Variants in NTN1 observed in about 807,000 individuals in gnomAD.
The protein encoded by NTN1 is netrin-1.
NTN1 carries 11 observed loss-of-function variants against 54.2 expected under a neutral mutation model. The observed-to-expected ratio is 0.20, with a 90% CI of 0.13 to 0.34. The LOEUF (loss-of-function observed/expected upper bound fraction) is 0.34. NTN1 is among the 10% of genes least tolerant of loss of function. The pLI is 1.00. For missense variants in NTN1, 740 were observed against 893.1 expected (o/e 0.83, Z 2.18); for synonymous variants, 371 against 382.0 (o/e 0.97, Z 0.33).
chr17:9,238,888 C>A (rs1252045180), intron 6 of NTN1, among the ~76,000 whole-genome samples: 1 of 152,220 alleles, frequency 6.6e-6, no homozygotes, highest in African/African-American at 2.4e-5. Context: ...AGCTCTGGGG[C>A]GGGGCCCAGC....
At chr17:9,028,251 A>T (rs992468470) in intron 2 of NTN1, among the ~76,000 whole-genome samples, 1 of 152,120 alleles carries the variant, frequency 6.6e-6, no homozygotes, top group African/African-American at 2.4e-5. Context: ...TGGATGGGGG[A>T]TGGTATGTCC....
chr17:9,196,599 G>T (rs140286435), intron 5 of NTN1, among the ~76,000 whole-genome samples: 107 of 152,372 alleles, frequency 7.0e-4, no homozygotes, highest in African/African-American at 2.5e-3. Context: ...GCCATCCAGG[G>T]CAGGGCTTCA....
At position 9,140,058 on chromosome 17, in the gene NTN1, G is replaced by A. The variant is rs1050585809; in HGVS notation, c.1019-22755G>A. 6.6e-5 allele frequency among the ~76,000 whole-genome samples: 10 copies of A among 151,706 alleles called. No homozygotes were observed. In the East Asian group the frequency reaches 9.6e-4, roughly 15 times the overall value. ...CTATTTTTTTTTTAATGCTGTCCAC[G>A]ATTCACTAAACTGGTCTCATGACCT... On this transcript the variant is annotated intron_variant, in intron 2 of 6. Coordinates refer to ENST00000173229, the MANE Select transcript of NTN1 (RefSeq NM_004822.3).
At chr17:9,047,315 T>C (rs986642398) in intron 2 of NTN1, among the ~76,000 whole-genome samples, 6 of 152,238 alleles carry the variant, frequency 3.9e-5, no homozygotes, top group African/African-American at 1.4e-4. Flanking sequence ...TAGAACTTTT[T>C]TCCTAATTGG....
At chr17:9,041,875 G>A (rs1160791495) in intron 2 of NTN1, among the ~76,000 whole-genome samples, 1 of 151,974 alleles carries the variant, frequency 6.6e-6, no homozygotes, top group African/African-American at 2.4e-5. Flanking sequence ...CAGGTGTGGT[G>A]GTACACATCT....
At chr17:9,105,234 C>G (rs763469733) in intron 2 of NTN1, among the ~76,000 whole-genome samples, 1 of 152,206 alleles carries the variant, frequency 6.6e-6, no homozygotes, top group Non-Finnish European at 1.5e-5. Flanking sequence ...GGGCCAGCCC[C>G]CTTGGGTCAG....
intron 2 of NTN1, among the ~76,000 whole-genome samples, chr17:9,109,749 G>T (rs1475467639): frequency 6.6e-6 from 1 of 152,164 alleles, no homozygotes; most frequent in East Asian, 1.9e-4. Context: ...ATTTTCATCG[G>T]CCTATATTCT....
At chr17:9,206,589 C>A (rs1019507816) in intron 5 of NTN1, among the ~76,000 whole-genome samples, 2 of 152,182 alleles carry the variant, frequency 1.3e-5, no homozygotes, top group African/African-American at 4.8e-5. Context: ...TCCCGGTGCA[C>A]TAGGCAGGAA....
Position 9,094,417 on chromosome 17 carries a change from A to G in NTN1, c.1019-68396A>G, listed in dbSNP as rs139989660. Among the ~76,000 whole-genome samples, 602 of 152,248 alleles carry G rather than the reference A, an allele frequency of 4.0e-3. 3 individuals are homozygous for G. The highest frequency in any genetic ancestry group is 0.011 in the African/African-American group (470 of 41,532). On this transcript the variant is annotated intron_variant, in intron 2 of 6. Coordinates refer to ENST00000173229, the MANE Select transcript of NTN1 (RefSeq NM_004822.3). ...TTGGTGAGTCAGAGGGTGTGTGTGT[A>G]TACATATATATGTACACACACACAT...
chr17:9,227,876 T>TCA, intron 6 of NTN1, among the ~76,000 whole-genome samples: 1 of 150,220 alleles, frequency 6.7e-6, no homozygotes, highest in East Asian at 2.0e-4. Flanking sequence ...ACACACCCCA[T>TCA]CACACACACA....
intron 5 of NTN1, among the ~76,000 whole-genome samples, chr17:9,203,290 G>A (rs764243890): frequency 2.4e-4 from 37 of 151,888 alleles, no homozygotes; most frequent in Admixed American, 9.9e-4. Context: ...CCAATGTGTT[G>A]ATTCCTTTGT....
At chr17:9,045,444 A>T (rs1015843062) in intron 2 of NTN1, among the ~76,000 whole-genome samples, 1 of 152,188 alleles carries the variant, frequency 6.6e-6, no homozygotes, top group African/African-American at 2.4e-5. Context: ...GAGCATTTCC[A>T]TAGGCAGCTT....
chr17:9,104,201 AGGGGAGTGGCAAT>A (rs1016074454), intron 2 of NTN1, among the ~76,000 whole-genome samples: 6 of 151,452 alleles, frequency 4.0e-5, no homozygotes, highest in Non-Finnish European at 7.4e-5. Context: ...GCCCGAGGTT[AGGGGAGTGGCAAT>A]GGGGAGTTAG....
chr17:9,197,310 T>C (rs568892919), intron 5 of NTN1, among the ~76,000 whole-genome samples: 18 of 152,092 alleles, frequency 1.2e-4, no homozygotes, highest in African/African-American at 4.3e-4. Context: ...AGCAGGAAGC[T>C]ATGGAGTGAC....
intron 2 of NTN1, among the ~76,000 whole-genome samples, chr17:9,086,083 G>A (rs969527281): frequency 9.2e-5 from 14 of 152,158 alleles, no homozygotes; most frequent in African/African-American, 3.4e-4. Context: ...ACCAGGTAGT[G>A]TCCCATTTGT....
Position 9,091,612 on chromosome 17 carries a change from C to T in NTN1, c.1018+68221C>T, listed in dbSNP as rs1423027506. Reference sequence around the variant, plus strand: ...GGGATTACAGGCATGTGCCACCACGCCCGGCTGATTTTGTATTTTTAGTAG... The same window carrying T: ...GGGATTACAGGCATGTGCCACCACGTCCGGCTGATTTTGTATTTTTAGTAG... On this transcript the variant is annotated intron_variant, in intron 2 of 6. Transcript: ENST00000173229. 3.3e-5 allele frequency among the ~76,000 whole-genome samples: 5 copies of T among 151,810 alleles called. No homozygotes were observed. The East Asian group carries it at 5.9e-4, about 18-fold the overall frequency.
intron 2 of NTN1, among the ~76,000 whole-genome samples, chr17:9,068,775 T>G (rs2092023720): frequency 6.6e-6 from 1 of 152,190 alleles, no homozygotes; most frequent in African/African-American, 2.4e-5. Context: ...CCCAAAGTGC[T>G]GGGATTACAG....
At chr17:9,204,437 G>T (rs890732613) in intron 5 of NTN1, among the ~76,000 whole-genome samples, 1 of 152,058 alleles carries the variant, frequency 6.6e-6, no homozygotes, top group Admixed American at 6.6e-5. Flanking sequence ...GGGACTACAG[G>T]CGCCCACCAC....
intron 5 of NTN1, chr17:9,183,272 A>C (rs1408877520): frequency 3.3e-6 from 2 of 611,462 alleles, no homozygotes; most frequent in South Asian, 3.0e-5. Context: ...AACACCTTCC[A>C]GGCTGAGGGG....
Sources: allele counts gnomAD v4.1 joint callset (sites outside exome capture counted in the v4.1 genomes callset), GRCh38; gene constraint gnomAD v4.1.1; transcripts MANE v1.5; gene names NCBI Gene and HGNC (gene_info 2026-07-23, HGNC 2026-07-21).